The following MAP3K5 variants were observed in gnomAD, a reference collection of about 807,000 sequenced individuals.
MAP3K5 encodes the protein ASK-1.
MAP3K5 carries 56 observed loss-of-function variants against 158.7 expected under a neutral mutation model. The ratio of observed to expected loss-of-function variants is 0.35; its 90% CI spans 0.28 to 0.44. The LOEUF is 0.44. Ranked by LOEUF, MAP3K5 falls within the 20% of genes least tolerant of loss-of-function variation. The probability of loss-of-function intolerance (pLI) is 1.00; values close to 1 mark genes in which losing one functional copy is unlikely to be tolerated. For synonymous variants in MAP3K5, 579 were observed against 601.7 expected (o/e 0.96, Z 0.55); for missense variants, 1,294 against 1,674.8 (o/e 0.77, Z 3.97).
intron 1 of MAP3K5, among the ~76,000 whole-genome samples, chr6:136,729,125 G>A (rs929325355): frequency 6.6e-6 from 1 of 152,202 alleles, no homozygotes; most frequent in Non-Finnish European, 1.5e-5. Context: ...ATCCTTCGGA[G>A]GTGACCAGAC....
intron 10 of MAP3K5, among the ~76,000 whole-genome samples, chr6:136,651,562 T>C (rs1297087116): frequency 1.3e-5 from 2 of 152,206 alleles, no homozygotes; most frequent in Non-Finnish European, 2.9e-5. Flanking sequence ...TTCATACCCA[T>C]GTAAATAAAC....
chr6:136,751,971 C>T (rs528781672), intron 1 of MAP3K5, among the ~76,000 whole-genome samples: 1 of 152,290 alleles, frequency 6.6e-6, no homozygotes, highest in South Asian at 2.1e-4. Context: ...AGAAACATCT[C>T]TGGTATTATT....
At chr6:136,690,027 A>T (rs1780321516) in intron 7 of MAP3K5, among the ~76,000 whole-genome samples, 1 of 152,172 alleles carries the variant, frequency 6.6e-6, no homozygotes, top group African/African-American at 2.4e-5. Flanking sequence ...TACATTCCCT[A>T]TCATACTAAG....
intron 2 of MAP3K5, among the ~76,000 whole-genome samples, chr6:136,718,965 CAGG>C (rs1483029509): frequency 6.6e-6 from 1 of 152,078 alleles, no homozygotes; most frequent in Non-Finnish European, 1.5e-5. Flanking sequence ...CGCTTGAACC[CAGG>C]AGTTCAAGAC....
At chr6:136,627,539 C>T (rs898536132) in intron 14 of MAP3K5, among the ~76,000 whole-genome samples, 1 of 152,100 alleles carries the variant, frequency 6.6e-6, no homozygotes, top group African/African-American at 2.4e-5. Flanking sequence ...ATGTTGAAAC[C>T]GAATCACAAT....
chr6:136,740,466 A>G (rs1357694596), intron 1 of MAP3K5, among the ~76,000 whole-genome samples: 1 of 152,188 alleles, frequency 6.6e-6, no homozygotes, highest in Non-Finnish European at 1.5e-5. Flanking sequence ...AGCTGGTTTT[A>G]TAATGCAGAC....
At chr6:136,715,939 A>G (rs1009039224) in intron 2 of MAP3K5, among the ~76,000 whole-genome samples, 3 of 144,970 alleles carry the variant, frequency 2.1e-5, no homozygotes, top group African/African-American at 5.1e-5. Flanking sequence ...CTGAGACAGG[A>G]GAATTGCTTG....
At chr6:136,621,855 G>A (rs1370091441) in intron 15 of MAP3K5, among the ~76,000 whole-genome samples, 2 of 152,214 alleles carry the variant, frequency 1.3e-5, no homozygotes, top group Non-Finnish European at 2.9e-5. Context: ...GGGAGGCCGA[G>A]GCGGGCGGAT....
In MAP3K5 at chr6:136,580,332, C is replaced by A. The variant is rs750226804; in HGVS notation, c.3486G>T (p.Ala1162=). ...CCAGGATGGTAATGGCTGTCTGTACCGCCTTCCGAATGATACTGTCTAAGG... is the reference window on the plus strand; with the variant it reads ...CCAGGATGGTAATGGCTGTCTGTACAGCCTTCCGAATGATACTGTCTAAGG... ...MFALDSIIRK[A]VQTAITILVP... is the part of the protein sequence containing the mutation. Residue 1162 remains alanine, a synonymous_variant, in exon 25 of 30, where the codon GCG becomes GCT. Coordinates refer to ENST00000359015, the MANE Select transcript of MAP3K5 (RefSeq NM_005923.4). 2 of 1,613,346 alleles carry A rather than the reference C, an allele frequency of 1.2e-6. No individual in the cohort carries two copies. The highest frequency in any genetic ancestry group is 1.7e-6 in the Non-Finnish European group (2 of 1,179,402).
At chr6:136,598,838 T>C (rs190716495) in intron 21 of MAP3K5, among the ~76,000 whole-genome samples, 13 of 152,150 alleles carry the variant, frequency 8.5e-5, no homozygotes, top group East Asian at 5.8e-4. Flanking sequence ...ATTGTTTCAA[T>C]TGACATGAGG....
At chr6:136,733,876 CATG>C (rs1782336752) in intron 1 of MAP3K5, among the ~76,000 whole-genome samples, 1 of 152,074 alleles carries the variant, frequency 6.6e-6, no homozygotes. Flanking sequence ...ATAAATTTAT[CATG>C]ATATGTATCT....
intron 3 of MAP3K5, among the ~76,000 whole-genome samples, chr6:136,704,212 G>T (rs764602984): frequency 2.6e-5 from 4 of 152,124 alleles, no homozygotes; most frequent in Non-Finnish European, 5.9e-5. Context: ...CTATATATCA[G>T]TGTATATGTA....
chr6:136,671,357 C>T (rs1412319420), intron 7 of MAP3K5, among the ~76,000 whole-genome samples: 1 of 152,102 alleles, frequency 6.6e-6, no homozygotes, highest in East Asian at 1.9e-4. Context: ...AAAAGATAAA[C>T]ACCAATAAAA....
intron 1 of MAP3K5, among the ~76,000 whole-genome samples, chr6:136,745,739 C>T (rs1026629582): frequency 5.9e-5 from 9 of 152,060 alleles, no homozygotes; most frequent in African/African-American, 7.2e-5. Context: ...AAGAAGGGCC[C>T]GTGGACATGA....
rs755814833 is a variant in MAP3K5, at chr6:136,567,765, T to A, written c.3627A>T (p.Arg1209Ser). 1.9e-6 allele frequency: 3 copies of A among 1,614,104 alleles called. No individual in the cohort carries two copies. In the African/African-American group the frequency reaches 4.0e-5, roughly 22 times the overall value. The part of the protein sequence containing the change: ...EEQPSNQTVR[R>S]PQAVIEDAVA... Reference sequence around the variant, plus strand: ...CAGCATCTTCAATGACAGCCTGAGGTCTTCGGACAGTTTGATTTGAAGGCT... The same window carrying A: ...CAGCATCTTCAATGACAGCCTGAGGACTTCGGACAGTTTGATTTGAAGGCT... The change falls in exon 26 of 30, where the codon AGA (arginine) becomes AGT (serine). Residue 1209 changes from arginine (R) to serine (S), a missense_variant. Arg to Ser is a moderately radical substitution (Grantham distance 110). This residue lies in a region of MAP3K5 where 199 missense variants were observed against 220.3 expected (regional missense o/e 0.90). Transcript: ENST00000359015.
chr6:136,649,897 T>C (rs1263969564), intron 11 of MAP3K5, among the ~76,000 whole-genome samples: 6 of 152,234 alleles, frequency 3.9e-5, no homozygotes, highest in Non-Finnish European at 7.3e-5. Flanking sequence ...AGAAGCCAAG[T>C]TGCCCAAGGG....
At chr6:136,615,928 A>G (rs968534722) in intron 15 of MAP3K5, among the ~76,000 whole-genome samples, 3 of 152,070 alleles carry the variant, frequency 2.0e-5, no homozygotes, top group Non-Finnish European at 4.4e-5. Context: ...CTTTAGCTAA[A>G]GCAATTAGTT....
In MAP3K5 at chr6:136,700,693, C is replaced by T. The variant is rs367545658; in HGVS notation, c.613-2011G>A. Among the ~76,000 whole-genome samples, 32 of 152,070 alleles carry T rather than the reference C, an allele frequency of 2.1e-4. 1 individual carries two copies. The highest frequency in any genetic ancestry group is 9.2e-4 in the Admixed American group (14 of 15,268). ...GCACAACACCTAATGTGAAAATGTC[C>T]AAAAGAGAGCTAGAAATATGTGATT... On this transcript the variant is annotated intron_variant, in intron 3 of 29. Transcript: ENST00000359015.
At chr6:136,578,277 AT>A (rs1393889820) in intron 25 of MAP3K5, among the ~76,000 whole-genome samples, 1 of 152,102 alleles carries the variant, frequency 6.6e-6, no homozygotes, top group Non-Finnish European at 1.5e-5. Flanking sequence ...GCTCTCTAGA[AT>A]TTTTTTCTAA....
Sources: gnomAD v4.1 joint callset for allele counts (sites outside exome capture counted in the v4.1 genomes callset) on GRCh38, gnomAD v4.1.1 for gene constraint, gnomAD v4.1.1 regional missense constraint, MANE v1.5 for transcripts, NCBI Gene and HGNC (gene_info 2026-07-23, HGNC 2026-07-21) for gene names.